ADAM19: variants seen among roughly 807,000 people sequenced by gnomAD.
The protein encoded by ADAM19 is disintegrin and metalloproteinase domain-containing protein 19.
ADAM19 carries 65 observed loss-of-function variants against 114.7 expected under a neutral mutation model. That is an observed-to-expected ratio of 0.57 (90% CI 0.46 to 0.70). The LOEUF is 0.70. Among genes scored for constraint, ADAM19 ranks in the 30% least tolerant of loss-of-function variants. ADAM19 has a pLI of 0.00. For missense variants in ADAM19, 1,063 were observed against 1,204.7 expected (o/e 0.88, Z 1.74); for synonymous variants, 466 against 460.5 (o/e 1.01, Z -0.15).
intron 8 of ADAM19, among the ~76,000 whole-genome samples, chr5:157,510,131 T>C (rs4704872): frequency 0.69 from 105,503 of 152,182 alleles, 37,231 homozygotes; most frequent in East Asian, 0.93. Flanking sequence ...ATAATACCCA[T>C]CTATTTTAAG....
At chr5:157,554,998 T>A (rs1239347333) in intron 3 of ADAM19, among the ~76,000 whole-genome samples, 1 of 150,370 alleles carries the variant, frequency 6.7e-6, no homozygotes, top group South Asian at 2.1e-4. Context: ...AGGGGGAGAG[T>A]AGAACAATGA....
chr5:157,512,997 G>A (rs953202243), intron 8 of ADAM19, among the ~76,000 whole-genome samples: 5 of 152,196 alleles, frequency 3.3e-5, no homozygotes, highest in Non-Finnish European at 7.3e-5. Flanking sequence ...CATGCCCCAA[G>A]CTGCTCGGGA....
intron 4 of ADAM19, among the ~76,000 whole-genome samples, chr5:157,532,513 G>A (rs1756654609): frequency 1.3e-5 from 2 of 152,186 alleles, no homozygotes; most frequent in South Asian, 4.1e-4. Flanking sequence ...AACAACAAGA[G>A]ACACATTCCT....
chr5:157,522,952 T>C (rs1258135109), intron 5 of ADAM19, among the ~76,000 whole-genome samples: 1 of 152,220 alleles, frequency 6.6e-6, no homozygotes, highest in Non-Finnish European at 1.5e-5. Flanking sequence ...CACCTTCAGA[T>C]GCCATTGATT....
Position 157,559,977 on chromosome 5 carries a change from T to G in ADAM19, c.251+4396A>C, listed in dbSNP as rs559517327. ...ACTCACAGAGCATCCTTTAAAGAGG[T>G]AGTGCAGGCCGGGCGCGGTGGCTCA... On this transcript the variant is annotated intron_variant, in intron 3 of 22. Coordinates refer to ENST00000257527, the MANE Select transcript of ADAM19 (RefSeq NM_033274.5). Among the ~76,000 whole-genome samples the G allele has an allele frequency of 9.2e-5, 14 of 152,230 alleles. No homozygotes were observed. The South Asian group carries it at 2.5e-3, about 27-fold the overall frequency.
chr5:157,497,180 A>T lies in ADAM19; in HGVS notation c.1399-91T>A, dbSNP rs1035333577. The T allele has an allele frequency of 9.1e-6, 11 of 1,207,154 alleles. No individual in the cohort carries two copies. In the African/African-American group the frequency reaches 1.8e-4, roughly 19 times the overall value. 74.8% of individuals were successfully genotyped at this position (1,207,154 alleles called of 1,614,324 possible). The stretch of plus-strand genomic sequence containing the variant: ...GGCTCATAAGGATCACTCTCATAGA[A>T]CAGAATTTTCCATTACCATGATTTC... On this transcript the variant is annotated intron_variant, in intron 13 of 22. Transcript: ENST00000257527.
In ADAM19 at chr5:157,505,704, C is replaced by T. The variant is rs144255450; in HGVS notation, c.1095G>A (p.Ala365=). The change falls in exon 11 of 23, where the codon GCG becomes GCA. Residue 365 remains alanine (A), a synonymous_variant. Transcript: ENST00000257527. ...CTGCCATGATGCACCCACCATCAGC[C>T]GCACTGGCCGAGCAGCAATCTGCAG... ...HDSADCCSAS[A]ADGGCIMAAA... 1.8e-5 allele frequency: 29 copies of T among 1,614,122 alleles called. No homozygotes were observed. The Admixed American group carries it at 2.3e-4, about 13-fold the overall frequency.
intron 3 of ADAM19, among the ~76,000 whole-genome samples, chr5:157,560,884 A>G (rs1040803210): frequency 6.6e-6 from 1 of 152,234 alleles, no homozygotes; most frequent in East Asian, 1.9e-4. Flanking sequence ...AATCATAGCT[A>G]CCTTGAGCTT....
chr5:157,518,485 G>A (rs569991106), intron 7 of ADAM19, among the ~76,000 whole-genome samples: 3 of 152,312 alleles, frequency 2.0e-5, no homozygotes, highest in South Asian at 2.1e-4. Flanking sequence ...CCCAGGTTCA[G>A]GAAATGCTAC....
At position 157,478,982 on chromosome 5, in the gene ADAM19, T is replaced by C. The variant is rs908528477; in HGVS notation, c.*1967A>G. The stretch of plus-strand genomic sequence containing the variant: ...GTTGGGTTTTGAGGATGTTGCTTGT[T>C]TGTTTTGCAGAGGGGTGAAAGGGGA... On this transcript the variant is annotated 3_prime_UTR_variant, in exon 23 of 23. Coordinates refer to ENST00000257527, the MANE Select transcript of ADAM19 (RefSeq NM_033274.5). 53 of 985,510 alleles carry C rather than the reference T, an allele frequency of 5.4e-5. No individual in the cohort carries two copies. The highest frequency in any genetic ancestry group is 6.3e-5 in the Non-Finnish European group (52 of 829,966). The allele number at this position is 985,510 out of a possible 1,614,324, so 61.0% of individuals were successfully genotyped here.
chr5:157,542,219 C>T (rs1006117319), intron 3 of ADAM19, among the ~76,000 whole-genome samples: 5 of 151,976 alleles, frequency 3.3e-5, no homozygotes, highest in African/African-American at 4.8e-5. Flanking sequence ...CAATCCCCTC[C>T]CTTTTCTAGG....
At chr5:157,563,268 C>G (rs1019289834) in intron 3 of ADAM19, among the ~76,000 whole-genome samples, 1 of 152,114 alleles carries the variant, frequency 6.6e-6, no homozygotes, top group Admixed American at 6.6e-5. Context: ...TCTGGCTTCC[C>G]GAGGCCACCA....
chr5:157,569,754 A>G (rs1015716241), intron 2 of ADAM19, among the ~76,000 whole-genome samples: 2 of 152,122 alleles, frequency 1.3e-5, no homozygotes, highest in African/African-American at 4.8e-5. Context: ...TTGCTCCTAT[A>G]TGTTGCCCAA....
intron 4 of ADAM19, among the ~76,000 whole-genome samples, chr5:157,536,077 C>T (rs1031869198): frequency 3.3e-5 from 5 of 152,208 alleles, no homozygotes; most frequent in African/African-American, 9.7e-5. Context: ...CTGCAGGCAC[C>T]GGCCACACTA....
At chr5:157,499,785 T>TC (rs1303134280) in intron 12 of ADAM19, 123 bp from the exon 13 acceptor site, 1 of 662,542 alleles carries the variant, frequency 1.5e-6, no homozygotes, top group Non-Finnish European at 2.6e-6. Flanking sequence ...TTTTTTTTTT[T>TC]TTTTTTTTTG....
Position 157,479,685 on chromosome 5 carries a change from T to G in ADAM19, c.*1264A>C. ...CAAAAGGAAGTGAATGACAAAAAGC[T>G]GGGTTGAGGAAGAGGCTCCCTGCTC... is the stretch of plus-strand genomic sequence containing the variant. On this transcript the variant is annotated 3_prime_UTR_variant, in exon 23 of 23. Transcript: ENST00000257527. 1 of 985,892 alleles carries G rather than the reference T, an allele frequency of 1.0e-6. No homozygotes were observed. The highest frequency in any genetic ancestry group is 1.2e-6 in the Non-Finnish European group (1 of 830,136). 61.1% of individuals were successfully genotyped at this position (985,892 alleles called of 1,614,324 possible). A position where few individuals can be genotyped will look rare whatever the true frequency, so the allele number is the denominator to read the frequency against.
Position 157,477,412 on chromosome 5 carries a change from T to G in ADAM19, c.*3537A>C. ...ATAGATGTACAAATATTGTAAACAA[T>G]TAATAGGTGGACAAGAGAGAAGAAG... On this transcript the variant is annotated 3_prime_UTR_variant, in exon 23 of 23. Transcript: ENST00000257527. The G allele has an allele frequency of 9.8e-7, 1 of 1,019,646 alleles. No individual in the cohort carries two copies. The highest frequency in any genetic ancestry group is 9.1e-5 in the East Asian group (1 of 10,956). 63.2% of individuals were successfully genotyped at this position (1,019,646 alleles called of 1,614,324 possible).
At chr5:157,548,703 G>A (rs558965183) in intron 3 of ADAM19, among the ~76,000 whole-genome samples, 7 of 152,144 alleles carry the variant, frequency 4.6e-5, no homozygotes, top group Non-Finnish European at 1.0e-4. Context: ...CATCTCCTGG[G>A]TGAAATGTAA....
At chr5:157,515,379 A>C (rs2113734565) in intron 7 of ADAM19, among the ~76,000 whole-genome samples, 1 of 152,330 alleles carries the variant, frequency 6.6e-6, no homozygotes, top group South Asian at 2.1e-4. Context: ...CAATGAGACC[A>C]CCATAATTTA....
Sources: gnomAD v4.1 joint callset for allele counts (sites outside exome capture counted in the v4.1 genomes callset) on GRCh38, gnomAD v4.1.1 for gene constraint, MANE v1.5 for transcripts, NCBI Gene and HGNC (gene_info 2026-07-23, HGNC 2026-07-21) for gene names.